Variants in IARS1 observed in about 807,000 individuals in gnomAD.
IARS1 encodes isoleucine--tRNA ligase, cytoplasmic.
A neutral mutation model predicts 168.2 loss-of-function variants in IARS1; 124 were observed. The observed-to-expected ratio is 0.74, with a 90% CI of 0.64 to 0.86. IARS1 has a LOEUF of 0.86. IARS1 is among the 40% of genes least tolerant of loss of function. The pLI, the probability that IARS1 is intolerant of heterozygous loss-of-function variation, is 0.00. For missense variants in IARS1, 1,452 were observed against 1,515.8 expected (o/e 0.96, Z 0.70); for synonymous variants, 532 against 529.4 (o/e 1.00, Z -0.07).
chr9:92,251,742 G>T, intron 22 of IARS1, 66 bp downstream of exon 22: 2 of 1,062,068 alleles, frequency 1.9e-6, no homozygotes, highest in South Asian at 1.3e-5. Flanking sequence ...GGAGGATGCT[G>T]CAGCAAGTAG....
intron 33 of IARS1, among the ~76,000 whole-genome samples, chr9:92,218,928 G>A (rs1028074443): frequency 2.0e-5 from 3 of 151,994 alleles, no homozygotes; most frequent in African/African-American, 4.8e-5. Context: ...CTACTTTAAA[G>A]TTCATATGGA....
intron 14 of IARS1, among the ~76,000 whole-genome samples, chr9:92,267,347 C>T (rs1832425168): frequency 6.6e-6 from 1 of 152,148 alleles, no homozygotes; most frequent in South Asian, 2.1e-4. Flanking sequence ...CTTTCAGGTC[C>T]CTATGGGAGA....
intron 9 of IARS1, among the ~76,000 whole-genome samples, chr9:92,275,376 T>C (rs768555944): frequency 3.3e-5 from 5 of 152,206 alleles, no homozygotes; most frequent in Non-Finnish European, 5.9e-5. Context: ...AGCCAGGACA[T>C]GGAACAGGTC....
At chr9:92,291,528 TTAAC>T (rs1197337619) in intron 1 of IARS1, among the ~76,000 whole-genome samples, 2 of 152,208 alleles carry the variant, frequency 1.3e-5, no homozygotes, top group South Asian at 4.1e-4. Flanking sequence ...GTTGGGCTGT[TTAAC>T]TAACTGAAAT....
intron 2 of IARS1, 119 bp from the exon 3 acceptor site, chr9:92,288,401 A>C: frequency 2.5e-6 from 2 of 798,444 alleles, no homozygotes; most frequent in Non-Finnish European, 4.2e-6. Context: ...AGATCAGGAA[A>C]CCGACAGACA....
chr9:92,219,124 CT>C (rs1324891154), intron 33 of IARS1, among the ~76,000 whole-genome samples: 3 of 152,130 alleles, frequency 2.0e-5, no homozygotes, highest in Non-Finnish European at 4.4e-5. Flanking sequence ...CGCCACGTAT[CT>C]ACAACTATCT....
chr9:92,282,263 G>A (rs1273416117), intron 6 of IARS1, among the ~76,000 whole-genome samples: 3 of 152,048 alleles, frequency 2.0e-5, no homozygotes, highest in South Asian at 2.1e-4. Context: ...AGAACTCTCC[G>A]CTTTTCTGTG....
intron 29 of IARS1, 67 bp downstream of exon 29, chr9:92,242,087 G>T (rs1828501771): frequency 8.3e-7 from 1 of 1,205,104 alleles, no homozygotes; most frequent in African/African-American, 1.5e-5. Flanking sequence ...ATATCAACAC[G>T]TGAGTACACA....
chr9:92,237,185 A>C (rs1430154808), intron 30 of IARS1, among the ~76,000 whole-genome samples: 1 of 152,058 alleles, frequency 6.6e-6, no homozygotes, highest in African/African-American at 2.4e-5. Flanking sequence ...TTTTAGTGCA[A>C]CAGATTTCCG....
intron 2 of IARS1, 92 bp from the exon 3 acceptor site, chr9:92,288,374 C>T (rs1835792538): frequency 9.5e-7 from 1 of 1,051,166 alleles, no homozygotes; most frequent in Admixed American, 2.0e-5. Context: ...GTGGAGTCTT[C>T]AAGGAGAAAA....
chr9:92,250,027 T>C (rs1023480696), intron 24 of IARS1, 86 bp from the exon 25 acceptor site: 1 of 921,626 alleles, frequency 1.1e-6, no homozygotes, highest in Non-Finnish European at 1.8e-6. Context: ...TTTATTTGAA[T>C]CTCAAGCTCT....
intron 33 of IARS1, among the ~76,000 whole-genome samples, chr9:92,215,057 G>T (rs1838414172): frequency 1.3e-5 from 2 of 152,182 alleles, no homozygotes; most frequent in South Asian, 4.1e-4. Context: ...GGTTCTCCCA[G>T]CATGCAGCTG....
intron 33 of IARS1, among the ~76,000 whole-genome samples, chr9:92,218,041 A>C (rs1206061176): frequency 6.6e-5 from 10 of 152,240 alleles, no homozygotes; most frequent in South Asian, 4.2e-4. Context: ...TACTGGCAAA[A>C]CGAATCCAGC....
Position 92,223,441 on chromosome 9 carries a change from CA to C in IARS1, c.3457del (p.Cys1153ValfsTer2), listed in dbSNP as rs773047831. The C allele has an allele frequency of 5.4e-5, 87 of 1,613,880 alleles. No homozygotes were observed. Among genetic ancestry groups the C allele is most frequent in the Non-Finnish European group, 7.2e-5 (85 of 1,179,910 alleles). ...AGAGGGAGCCGATCCTGCAGTCACA[CA>C]AAGTGTTTTTCCACTAAGACTCAGT... The part of the protein sequence containing the change: ...DLLSLSGKTL[C>X]VTAGSAPSLI... On this transcript the variant is annotated frameshift_variant, in exon 32 of 34. Transcript: ENST00000443024. LOFTEE classifies it high-confidence loss of function.
At chr9:92,216,169 A>G (rs1326279973) in intron 33 of IARS1, among the ~76,000 whole-genome samples, 7 of 151,154 alleles carry the variant, frequency 4.6e-5, no homozygotes, top group African/African-American at 1.7e-4. Flanking sequence ...ATCCAGCCAA[A>G]CTAAGCTTCA....
chr9:92,282,859 TA>T (rs200703517), intron 6 of IARS1, among the ~76,000 whole-genome samples: 4,890 of 141,166 alleles, frequency 0.035, 102 homozygotes, highest in South Asian at 0.081. Flanking sequence ...TATATATATA[TA>T]TTTTTTTTTT....
Position 92,285,849 on chromosome 9 carries a change from G to A in IARS1, c.480-10C>T. 1 of 1,454,638 alleles carries A rather than the reference G, an allele frequency of 6.9e-7. No individual in the cohort carries two copies. The highest frequency in any genetic ancestry group is 9.6e-7 in the Non-Finnish European group (1 of 1,039,496). 90.1% of individuals were successfully genotyped at this position (1,454,638 alleles called of 1,614,324 possible). Reference sequence around the variant, plus strand: ...TTGTTTGAAGACCCACCTGGTAAGAGATGGAGTTTCACAATTACAGAACAA... The same window carrying A: ...TTGTTTGAAGACCCACCTGGTAAGAAATGGAGTTTCACAATTACAGAACAA... On this transcript the variant is annotated splice_polypyrimidine_tract_variant and intron_variant, in intron 5 of 33. Transcript: ENST00000443024.
chr9:92,250,161 T>C (rs921715875), intron 24 of IARS1, 26 bp downstream of exon 24: 5 of 1,378,392 alleles, frequency 3.6e-6, no homozygotes, highest in East Asian at 2.3e-5. Context: ...GTCTGTGCCA[T>C]GTAAAATAGA....
At chr9:92,289,959 T>G (rs1836054911) in intron 1 of IARS1, among the ~76,000 whole-genome samples, 1 of 152,224 alleles carries the variant, frequency 6.6e-6, no homozygotes, top group Non-Finnish European at 1.5e-5. Context: ...ATTCATCATT[T>G]CTTGGATACC....
Sources: gnomAD v4.1 joint callset for allele counts (sites outside exome capture counted in the v4.1 genomes callset) on GRCh38, gnomAD v4.1.1 for gene constraint, MANE v1.5 for transcripts, NCBI Gene and HGNC (gene_info 2026-07-23, HGNC 2026-07-21) for gene names.